Variants in ATXN7L1 observed in about 807,000 individuals in gnomAD.
ATXN7L1 encodes ataxin-7-like protein 1.
A neutral mutation model predicts 70.8 loss-of-function variants in ATXN7L1; 15 were observed. The ratio of observed to expected loss-of-function variants is 0.21; its 90% CI spans 0.14 to 0.33. The LOEUF (loss-of-function observed/expected upper bound fraction) is 0.33, where lower values mean the gene tolerates loss of function less well. Among genes scored for constraint, ATXN7L1 ranks in the 10% least tolerant of loss-of-function variants. ATXN7L1 has a pLI of 1.00. For missense variants in ATXN7L1, 975 were observed against 1,097.1 expected, an observed-to-expected ratio of 0.89 and a Z score of 1.57; for synonymous variants, 440 against 445.1, an observed-to-expected ratio of 0.99 and a Z score of 0.14.
At chr7:105,758,999 C>G (rs1312932420) in intron 3 of ATXN7L1, among the ~76,000 whole-genome samples, 1 of 152,068 alleles carries the variant, frequency 6.6e-6, no homozygotes, top group East Asian at 1.9e-4. Flanking sequence ...GCTTCAAATC[C>G]TTTCTTTGAA....
At chr7:105,778,510 C>CAAAAAAAAAAAAAAA (rs745820046) in intron 3 of ATXN7L1, among the ~76,000 whole-genome samples, 3 of 34,170 alleles carry the variant, frequency 8.8e-5, no homozygotes, top group African/African-American at 1.2e-4. Flanking sequence ...GACCCTATCT[C>CAAAAAAAAAAAAAAA]AAAAAAAAAA....
intron 3 of ATXN7L1, among the ~76,000 whole-genome samples, chr7:105,776,848 T>C (rs1802809627): frequency 6.6e-6 from 1 of 152,136 alleles, no homozygotes; most frequent in African/African-American, 2.4e-5. Flanking sequence ...TGGCTCACTG[T>C]AATCTCTGCC....
At chr7:105,808,510 T>A (rs1367265041) in intron 2 of ATXN7L1, among the ~76,000 whole-genome samples, 2 of 152,174 alleles carry the variant, frequency 1.3e-5, no homozygotes, top group African/African-American at 4.8e-5. Flanking sequence ...CCACTCTCTG[T>A]GGTGAACTAT....
rs1159088249 is a variant in ATXN7L1, at chr7:105,613,436, T to C, written c.2472+426A>G. 1.1e-5 allele frequency: 11 copies of C among 986,140 alleles called. No individual in the cohort carries two copies. The South Asian group carries it at 3.6e-4, about 32-fold the overall frequency. 61.1% of individuals were successfully genotyped at this position (986,140 alleles called of 1,614,324 possible). On this transcript the variant is annotated intron_variant, in intron 10 of 11. Coordinates refer to ENST00000419735, the MANE Select transcript of ATXN7L1 (RefSeq NM_020725.2). Reference sequence around the variant, plus strand: ...CATTTAACCTGCCTGGGCCTCAAGCTCTTCCTAAGGGGGTTCCAACAGATC... The same window carrying C: ...CATTTAACCTGCCTGGGCCTCAAGCCCTTCCTAAGGGGGTTCCAACAGATC...
intron 3 of ATXN7L1, among the ~76,000 whole-genome samples, chr7:105,711,705 C>G (rs938263235): frequency 3.9e-5 from 6 of 152,250 alleles, no homozygotes; most frequent in African/African-American, 1.2e-4. Flanking sequence ...ACAACCCCTA[C>G]GGCTACTTTC....
intron 3 of ATXN7L1, among the ~76,000 whole-genome samples, chr7:105,766,697 A>G (rs184893644): frequency 6.6e-6 from 1 of 152,326 alleles, no homozygotes; most frequent in Non-Finnish European, 1.5e-5. Context: ...CTGGGATTAG[A>G]CGATCCTGTG....
chr7:105,624,137 C>T lies in ATXN7L1; in HGVS notation c.1333G>A (p.Gly445Arg), dbSNP rs780339591. Residue 445 changes from glycine to arginine, a missense_variant, in exon 8 of 12, where the codon GGA (glycine) becomes AGA (arginine). Physicochemically the swap from Gly to Arg is moderately radical, Grantham distance 125 (BLOSUM62 -2). Transcript: ENST00000419735. ...RLSSDEGEMDGADESEKLDCQ... is the reference protein window; with the variant it reads ...RLSSDEGEMDRADESEKLDCQ... ...TCTAGCTTCTCGGATTCGTCGGCTC[C>T]GTCCATCTCCCCTTCATCACTGGAC... The T allele has an allele frequency of 1.5e-5, 23 of 1,530,892 alleles. No individual in the cohort carries two copies. The highest frequency in any genetic ancestry group is 1.4e-4 in the South Asian group (11 of 81,390). 94.8% of individuals were successfully genotyped at this position (1,530,892 alleles called of 1,614,324 possible).
At chr7:105,621,631 T>C (rs1159229165) in intron 8 of ATXN7L1, among the ~76,000 whole-genome samples, 1 of 152,224 alleles carries the variant, frequency 6.6e-6, no homozygotes, top group Non-Finnish European at 1.5e-5. Context: ...ACCGGAAGGC[T>C]AGCAGACAGA....
rs560433590 is a variant in ATXN7L1 at position 105,607,480 on chromosome 7, G to A, written c.*372C>T. 130 of 249,500 alleles carry A rather than the reference G, an allele frequency of 5.2e-4. No individual in the cohort carries two copies. The highest frequency in any genetic ancestry group is 1.4e-3 in the Admixed American group (28 of 20,404). The allele number at this position is 249,500 out of a possible 1,614,324, so 15.5% of individuals were successfully genotyped here. A position where few individuals can be genotyped will look rare whatever the true frequency, so the allele number is the denominator to read the frequency against. On this transcript the variant is annotated 3_prime_UTR_variant, in exon 12 of 12. Transcript: ENST00000419735. ...TGTGCTACAGTTCAAGAGCTTCAGAGCATGCCAACCTGGAACCAACATTCT... is the reference window on the plus strand; with the variant it reads ...TGTGCTACAGTTCAAGAGCTTCAGAACATGCCAACCTGGAACCAACATTCT...
intron 2 of ATXN7L1, among the ~76,000 whole-genome samples, chr7:105,839,337 T>C (rs78134710): frequency 6.6e-6 from 1 of 152,026 alleles, no homozygotes; most frequent in East Asian, 1.9e-4. Flanking sequence ...GCCTAAACAC[T>C]CCAAATCCAA....
chr7:105,806,951 C>A (rs868600480), intron 2 of ATXN7L1, among the ~76,000 whole-genome samples: 1 of 152,156 alleles, frequency 6.6e-6, no homozygotes, highest in African/African-American at 2.4e-5. Flanking sequence ...TTTTAAACAA[C>A]AAATATGTGA....
intron 3 of ATXN7L1, among the ~76,000 whole-genome samples, chr7:105,730,964 T>C (rs1796469245): frequency 6.6e-6 from 1 of 152,166 alleles, no homozygotes; most frequent in Non-Finnish European, 1.5e-5. Context: ...GGGATATATA[T>C]GGCAGCTCTC....
intron 2 of ATXN7L1, among the ~76,000 whole-genome samples, chr7:105,788,992 G>A (rs1016711231): frequency 1.3e-5 from 2 of 152,196 alleles, no homozygotes; most frequent in African/African-American, 2.4e-5. Context: ...ACATGCTATG[G>A]GAATCACCCT....
intron 4 of ATXN7L1, among the ~76,000 whole-genome samples, chr7:105,652,779 C>T (rs1434216394): frequency 2.0e-5 from 3 of 152,212 alleles, no homozygotes; most frequent in African/African-American, 7.2e-5. Context: ...TTTTTCTGAG[C>T]ACGCTGAAAG....
chr7:105,712,157 G>A (rs1794002726), intron 3 of ATXN7L1, among the ~76,000 whole-genome samples: 1 of 152,228 alleles, frequency 6.6e-6, no homozygotes, highest in South Asian at 2.1e-4. Context: ...AGGATGCAGG[G>A]CACAGTGTCC....
intron 3 of ATXN7L1, among the ~76,000 whole-genome samples, chr7:105,733,533 T>TCCATCCACCCAA: frequency 9.6e-6 from 1 of 104,186 alleles, no homozygotes; most frequent in South Asian, 3.3e-4. Context: ...CATCCATCCA[T>TCCATCCACCCAA]CCATCCACCC....
At chr7:105,761,511 T>G in intron 3 of ATXN7L1, 1 of 1,600,986 alleles carries the variant, frequency 6.2e-7, no homozygotes, top group Non-Finnish European at 8.5e-7. Flanking sequence ...GGTATCAACA[T>G]GGCTCCTTTG....
intron 4 of ATXN7L1, among the ~76,000 whole-genome samples, chr7:105,652,845 G>T (rs994745230): frequency 2.0e-5 from 3 of 152,222 alleles, no homozygotes; most frequent in Admixed American, 6.5e-5. Flanking sequence ...CTTCTGGCCA[G>T]GTACCCTGAC....
intron 2 of ATXN7L1, among the ~76,000 whole-genome samples, chr7:105,860,212 A>ATCATGGTACCG (rs1816411888): frequency 6.9e-6 from 1 of 145,292 alleles, no homozygotes; most frequent in Non-Finnish European, 1.5e-5. Context: ...TCTATAGGTG[A>ATCATGGTACCG]TCATGGTACC....
Sources: gnomAD v4.1 joint callset for allele counts (sites outside exome capture counted in the v4.1 genomes callset) on GRCh38, gnomAD v4.1.1 for gene constraint, MANE v1.5 for transcripts, NCBI Gene and HGNC (gene_info 2026-07-23, HGNC 2026-07-21) for gene names.